TRAPPC9: variants seen among roughly 807,000 people sequenced by gnomAD.
The protein encoded by TRAPPC9 is trafficking protein particle complex subunit 9, also known as IKK2 binding protein.
TRAPPC9 carries 83 observed loss-of-function variants against 124.0 expected under a neutral mutation model. That is an observed-to-expected ratio of 0.67 (90% CI 0.56 to 0.80). The LOEUF (loss-of-function observed/expected upper bound fraction) is 0.80, where lower values mean the gene tolerates loss of function less well. Among genes scored for constraint, TRAPPC9 ranks in the 30% least tolerant of loss-of-function variants. TRAPPC9 has a pLI of 0.00. For synonymous variants in TRAPPC9, 638 were observed against 617.5 expected (o/e 1.03, Z -0.49); for missense variants, 1,302 against 1,508.3 (o/e 0.86, Z 2.27).
intron 21 of TRAPPC9, among the ~76,000 whole-genome samples, chr8:139,737,472 C>CCCA (rs1554633739): frequency 1.7e-5 from 2 of 118,988 alleles, no homozygotes; most frequent in African/African-American, 5.9e-5. Flanking sequence ...GCCCTCCCCC[C>CCCA]CCCCCCACGG....
intron 21 of TRAPPC9, among the ~76,000 whole-genome samples, chr8:139,744,756 C>T (rs1334530482): frequency 1.3e-5 from 2 of 152,228 alleles, no homozygotes; most frequent in Non-Finnish European, 2.9e-5. Context: ...GTGGTGCTGG[C>T]CCCGCATGTG....
rs559740086 is a variant in TRAPPC9, at chr8:139,940,265, C to T, written c.2811-29965G>A. ...CAAGTTTTTCTTAATACATCTTCTC[C>T]ACCATCTCTCTAGACACTGACACAA... On this transcript the variant is annotated intron_variant, in intron 19 of 22. Transcript: ENST00000438773. Among the ~76,000 whole-genome samples, 20 of 152,338 alleles carry T rather than the reference C, an allele frequency of 1.3e-4. No homozygotes were observed. In the South Asian group the frequency reaches 4.1e-3, roughly 32 times the overall value.
chr8:140,249,162 T>A (rs1460460637), intron 16 of TRAPPC9, among the ~76,000 whole-genome samples: 1 of 143,110 alleles, frequency 7.0e-6, no homozygotes, highest in African/African-American at 2.8e-5. Context: ...CAACTGGTTT[T>A]TCCCTCCCTG....
In TRAPPC9 at chr8:140,252,826, C is replaced by T. The variant is rs903479641; in HGVS notation, c.2382G>A (p.Val794=). ...TCTCCTGGCAGGAGAAATCCAGCTT[C>T]ACTTTGATGTTGATTGTGAACGTGG... is the stretch of plus-strand genomic sequence containing the variant. ...KVATFTINIK[V]KLDFSCQENL... Residue 794 remains valine, a synonymous_variant, in exon 16 of 23, where the codon GTG becomes GTA. Coordinates refer to ENST00000438773, the MANE Select transcript of TRAPPC9 (RefSeq NM_001160372.4). This position sits in a 1 kb window ranked among gnomAD's most constrained non-coding sequence, Gnocchi z 4.2. 6.2e-7 allele frequency: 1 copy of T among 1,614,048 alleles called. No individual in the cohort carries two copies. Among genetic ancestry groups the T allele is most frequent in the Non-Finnish European group, 8.5e-7 (1 of 1,180,038 alleles).
intron 16 of TRAPPC9, among the ~76,000 whole-genome samples, chr8:140,225,011 C>T (rs1299022461): frequency 6.6e-6 from 1 of 152,152 alleles, no homozygotes; most frequent in Non-Finnish European, 1.5e-5. Flanking sequence ...CCATCATCCC[C>T]TAAATGGGAA....
At chr8:140,458,425 C>T, upstream of TRAPPC9, 1 of 1,589,936 alleles carries the variant, frequency 6.3e-7, no homozygotes, top group Non-Finnish European at 8.6e-7. Flanking sequence ...GTGCCCCCCA[C>T]GTGGGTGGGT....
chr8:140,044,290 A>C (rs1421871157), intron 17 of TRAPPC9, among the ~76,000 whole-genome samples: 4 of 128,542 alleles, frequency 3.1e-5, no homozygotes, highest in African/African-American at 1.4e-4. Flanking sequence ...AAAAAAAAAG[A>C]AAAATCACAG....
intron 18 of TRAPPC9, among the ~76,000 whole-genome samples, chr8:140,006,084 G>C (rs1013094664): frequency 6.6e-6 from 1 of 152,078 alleles, no homozygotes; most frequent in African/African-American, 2.4e-5. Flanking sequence ...TGTCCTAGGG[G>C]ACAAAGGTGA....
rs117443516 is a variant in TRAPPC9 at position 139,835,271 on chromosome 8, A to G, written c.3055+50608T>C. Among the ~76,000 whole-genome samples the G allele has an allele frequency of 1.1e-3, 164 of 152,308 alleles. No individual in the cohort carries two copies. The East Asian group carries it at 0.026, about 24-fold the overall frequency. On this transcript the variant is annotated intron_variant, in intron 21 of 22. Transcript: ENST00000438773. ...CTCACCCACTTCGAGCAGAACAGAG[A>G]TGCTTTTTATGTGTTTTACATACTG... is the stretch of plus-strand genomic sequence containing the variant.
chr8:139,766,886 TGTGC>T (rs1317316508), intron 21 of TRAPPC9, among the ~76,000 whole-genome samples: 7 of 152,266 alleles, frequency 4.6e-5, no homozygotes, highest in Non-Finnish European at 1.0e-4. Flanking sequence ...ATTGCTGTCT[TGTGC>T]GTCCCGCAGA....
chr8:139,762,916 G>A (rs576241175), intron 21 of TRAPPC9, among the ~76,000 whole-genome samples: 6 of 152,354 alleles, frequency 3.9e-5, no homozygotes, highest in African/African-American at 1.4e-4. Context: ...GGGAGGTGGA[G>A]CAGCGCAGTC....
intron 11 of TRAPPC9, among the ~76,000 whole-genome samples, chr8:140,295,209 T>C (rs2065773809): frequency 6.6e-6 from 1 of 152,156 alleles, no homozygotes; most frequent in South Asian, 2.1e-4. Context: ...TATCAATGCA[T>C]CCCCAGCACA....
chr8:139,729,136 A>G lies in TRAPPC9; in HGVS notation c.*1925T>C, dbSNP rs970165053. The stretch of plus-strand genomic sequence containing the variant: ...CACCCTCATGCTGACATCAGATGTC[A>G]AATGCAACTCCAGTTCAGGTCACTC... On this transcript the variant is annotated 3_prime_UTR_variant, in exon 23 of 23. Transcript: ENST00000438773. 1.3e-5 allele frequency among the ~76,000 whole-genome samples: 2 copies of G among 152,210 alleles called. No individual in the cohort carries two copies. The highest frequency in any genetic ancestry group is 2.9e-5 in the Non-Finnish European group (2 of 68,040).
intron 18 of TRAPPC9, among the ~76,000 whole-genome samples, chr8:140,007,245 G>A (rs761545071): frequency 5.9e-5 from 9 of 152,164 alleles, no homozygotes; most frequent in Non-Finnish European, 1.0e-4. Flanking sequence ...ACGTAATCAG[G>A]GGCAATAACA....
chr8:139,808,178 G>T (rs770747218), intron 21 of TRAPPC9, among the ~76,000 whole-genome samples: 12 of 152,218 alleles, frequency 7.9e-5, no homozygotes, highest in Non-Finnish European at 1.6e-4. Flanking sequence ...TACAATTCAG[G>T]CTGGACACAG....
chr8:140,455,562 C>G (rs2071626164), intron 1 of TRAPPC9, among the ~76,000 whole-genome samples: 1 of 152,098 alleles, frequency 6.6e-6, no homozygotes, highest in South Asian at 2.1e-4. Flanking sequence ...TCCCAAGTAG[C>G]TGGGACTACA....
At chr8:140,067,391 C>T (rs936804894) in intron 17 of TRAPPC9, among the ~76,000 whole-genome samples, 8 of 152,174 alleles carry the variant, frequency 5.3e-5, no homozygotes, top group Non-Finnish European at 8.8e-5. Context: ...GATCTGTCTG[C>T]CTCGGCCTCC....
chr8:140,095,012 CTGA>C (rs1282668433), intron 17 of TRAPPC9: 2 of 152,200 alleles, frequency 1.3e-5, no homozygotes, highest in Non-Finnish European at 2.9e-5. Flanking sequence ...TAACCCAAGT[CTGA>C]TTAGAATTGG....
At chr8:139,747,032 G>T (rs1000117122) in intron 21 of TRAPPC9, among the ~76,000 whole-genome samples, 5 of 152,234 alleles carry the variant, frequency 3.3e-5, no homozygotes, top group Non-Finnish European at 5.9e-5. Flanking sequence ...ATGCCTGCTG[G>T]CTGGAAGCAT....
Sources: allele counts gnomAD v4.1 joint callset (sites outside exome capture counted in the v4.1 genomes callset), GRCh38; gene constraint gnomAD v4.1.1; non-coding constraint Gnocchi (gnomAD v3.1); transcripts MANE v1.5; gene names NCBI Gene and HGNC (gene_info 2026-07-23, HGNC 2026-07-21).